GRM5: variants seen among roughly 807,000 people sequenced by gnomAD.
GRM5 encodes glutamate metabotropic receptor 5, also known as metabotropic glutamate receptor 5.
Under a neutral mutation model 83.1 loss-of-function variants are expected in GRM5, and 19 were observed. The observed-to-expected ratio is 0.23, with a 90% CI of 0.16 to 0.34. The LOEUF is 0.34. Ranked by LOEUF, GRM5 falls within the 10% of genes least tolerant of loss-of-function variation. The pLI is 1.00. For missense variants in GRM5, 1,160 were observed against 1,588.3 expected, an observed-to-expected ratio of 0.73 and a Z score of 4.58; for synonymous variants, 675 against 633.6, an observed-to-expected ratio of 1.07 and a Z score of -0.98.
At chr11:88,693,706 C>G (rs1022802983) in intron 3 of GRM5, among the ~76,000 whole-genome samples, 1 of 152,090 alleles carries the variant, frequency 6.6e-6, no homozygotes, top group Non-Finnish European at 1.5e-5. Context: ...TTTTCAGTCC[C>G]TAAGGAAATA....
At chr11:88,776,448 A>G (rs1303194287) in intron 3 of GRM5, among the ~76,000 whole-genome samples, 2 of 152,138 alleles carry the variant, frequency 1.3e-5, no homozygotes, top group Non-Finnish European at 2.9e-5. Flanking sequence ...TTTAAGGTTA[A>G]TATTGTTATA....
intron 6 of GRM5, among the ~76,000 whole-genome samples, chr11:88,594,571 C>A (rs528455481): frequency 6.6e-6 from 1 of 152,122 alleles, no homozygotes; most frequent in Non-Finnish European, 1.5e-5. Context: ...TGCTGTATAC[C>A]ATAATAAGAC....
chr11:88,588,277 G>A (rs1325948792), intron 7 of GRM5, among the ~76,000 whole-genome samples: 1 of 152,080 alleles, frequency 6.6e-6, no homozygotes, highest in African/African-American at 2.4e-5. Context: ...TAAGTTATTG[G>A]CTCTTTCCAA....
chr11:88,667,023 T>G (rs1235517482), intron 3 of GRM5, among the ~76,000 whole-genome samples: 1 of 152,158 alleles, frequency 6.6e-6, no homozygotes, highest in Non-Finnish European at 1.5e-5. Context: ...AATAATATAT[T>G]CAAGAGAATA....
At chr11:88,536,210 G>T (rs1942125984) in intron 8 of GRM5, among the ~76,000 whole-genome samples, 1 of 151,904 alleles carries the variant, frequency 6.6e-6, no homozygotes, top group African/African-American at 2.4e-5. Flanking sequence ...AATTGGCATG[G>T]GCTTATACAT....
At chr11:88,687,896 T>C (rs552032105) in intron 3 of GRM5, among the ~76,000 whole-genome samples, 1 of 152,068 alleles carries the variant, frequency 6.6e-6, no homozygotes, top group South Asian at 2.1e-4. Flanking sequence ...GAATCAAATT[T>C]AGAACTCTGT....
chr11:88,918,215 CCAAA>C (rs1241561672), intron 2 of GRM5, among the ~76,000 whole-genome samples: 2 of 150,608 alleles, frequency 1.3e-5, no homozygotes, highest in Middle Eastern at 3.4e-3. Flanking sequence ...CAAAAACAAA[CCAAA>C]CAAACAAACA....
At position 88,941,475 on chromosome 11, in the gene GRM5, GGGAGGGGAGAGGAGGGGAGA is replaced by G. The variant is rs770257751; in HGVS notation, c.662-91340_662-91321del. Among the ~76,000 whole-genome samples, 235 of 93,738 alleles carry G rather than the reference GGGAGGGGAGAGGAGGGGAGA, an allele frequency of 2.5e-3. 5 individuals are homozygous for G. Among genetic ancestry groups the G allele is most frequent in the African/African-American group, 0.011 (194 of 18,154 alleles). The allele number at this position is 93,738 out of a possible 152,430, so 61.5% of individuals were successfully genotyped here. A position where few individuals can be genotyped will look rare whatever the true frequency, so the allele number is the denominator to read the frequency against. On this transcript the variant is annotated intron_variant, in intron 2 of 9. Transcript: ENST00000305447. Reference sequence around the variant, plus strand: ...GGGAGAAGAGAAGAGAAGAGAAGAGGGGAGGGGAGAGGAGGGGAGAGGAGGGGAGAGGAGGGGAGAGGAGA... The same window carrying G: ...GGGAGAAGAGAAGAGAAGAGAAGAGGGGAGGGGAGAGGAGGGGAGAGGAGA...
chr11:88,903,158 G>A (rs954519523), intron 2 of GRM5, among the ~76,000 whole-genome samples: 2 of 152,140 alleles, frequency 1.3e-5, no homozygotes, highest in Admixed American at 1.3e-4. Context: ...CGAAGCAAAT[G>A]CGAAGGCCCT....
chr11:88,677,486 T>C lies in GRM5; in HGVS notation c.912-24083A>G, dbSNP rs1341583345. Reference sequence around the variant, plus strand: ...TCTCACTGGACAATAGCATATGAGGTTGTAAGGCTGGTGATTGCTACAGTG... The same window carrying C: ...TCTCACTGGACAATAGCATATGAGGCTGTAAGGCTGGTGATTGCTACAGTG... On this transcript the variant is annotated intron_variant, in intron 3 of 9. Coordinates refer to ENST00000305447, the MANE Select transcript of GRM5 (RefSeq NM_001143831.3). 5.9e-5 allele frequency among the ~76,000 whole-genome samples: 9 copies of C among 152,140 alleles called. 1 individual carries two copies. Among genetic ancestry groups the C allele is most frequent in the South Asian group, 4.1e-4 (2 of 4,834 alleles).
intron 3 of GRM5, among the ~76,000 whole-genome samples, chr11:88,823,890 A>G (rs11499569): frequency 0.026 from 3,883 of 152,146 alleles, 174 homozygotes; most frequent in African/African-American, 0.089. Flanking sequence ...CTAACTAGAT[A>G]GGATTCTGGG....
At chr11:88,952,608 G>A (rs555968853) in intron 2 of GRM5, among the ~76,000 whole-genome samples, 168 of 134,814 alleles carry the variant, frequency 1.2e-3, no homozygotes, top group African/African-American at 4.5e-3. Flanking sequence ...AAGTTAAAAA[G>A]GTGAATGCAG....
intron 4 of GRM5, among the ~76,000 whole-genome samples, chr11:88,623,466 G>A (rs1440947374): frequency 6.6e-6 from 1 of 152,082 alleles, no homozygotes; most frequent in Non-Finnish European, 1.5e-5. Flanking sequence ...ATCAAATTAA[G>A]CTATAGAAAT....
chr11:88,723,009 GC>G (rs1941583875), intron 3 of GRM5, among the ~76,000 whole-genome samples: 2 of 151,916 alleles, frequency 1.3e-5, no homozygotes, highest in African/African-American at 4.8e-5. Context: ...CCTGTGCCCT[GC>G]CCATTCATCC....
At chr11:88,611,365 G>A (rs1938311120) in intron 4 of GRM5, among the ~76,000 whole-genome samples, 1 of 152,084 alleles carries the variant, frequency 6.6e-6, no homozygotes, top group Non-Finnish European at 1.5e-5. Flanking sequence ...TTGGCTGGTA[G>A]GCTTTTTATT....
chr11:88,725,156 A>ACCAGCTTGTCC lies in GRM5; in HGVS notation c.912-71754_912-71753insGGACAAGCTGG, dbSNP rs1284538576. Among the ~76,000 whole-genome samples, 9 of 152,314 alleles carry ACCAGCTTGTCC rather than the reference A, an allele frequency of 5.9e-5. No individual in the cohort carries two copies. In the South Asian group the frequency reaches 1.9e-3, roughly 32 times the overall value. On this transcript the variant is annotated intron_variant, in intron 3 of 9. Coordinates refer to ENST00000305447, the MANE Select transcript of GRM5 (RefSeq NM_001143831.3). The stretch of plus-strand genomic sequence containing the variant: ...CTGGTTTAAAATTCTTGCCACCAGC[A>ACCAGCTTGTCC]CAGCAGTCTGAAGTTGACCTGGGAC...
At chr11:88,786,552 A>G (rs79615254) in intron 3 of GRM5, among the ~76,000 whole-genome samples, 4,104 of 152,216 alleles carry the variant, frequency 0.027, 179 homozygotes, top group African/African-American at 0.094. Flanking sequence ...AATGTGTGGA[A>G]CATGTTCTAC....
rs751947340 is a variant in GRM5, at chr11:88,522,536, C to CCTTTT, written c.2726+2772_2726+2773insAAAAG. 4.1e-3 allele frequency among the ~76,000 whole-genome samples: 621 copies of CCTTTT among 149,796 alleles called. 1 individual carries two copies. Among genetic ancestry groups the CCTTTT allele is most frequent in the Non-Finnish European group, 6.5e-3 (438 of 67,578 alleles). On this transcript the variant is annotated intron_variant, in intron 9 of 9. Transcript: ENST00000305447. ...ATATGTCTCTAGGCCTTTTCTACTC[C>CCTTTT]CTAAGGGAAAGCTTAAGCATGGCAG...
intron 2 of GRM5, among the ~76,000 whole-genome samples, chr11:88,962,891 C>A (rs1747376429): frequency 6.6e-6 from 1 of 152,166 alleles, no homozygotes; most frequent in East Asian, 1.9e-4. Flanking sequence ...GAGATAGACA[C>A]CATCCTGGCC....
Sources: gnomAD v4.1 joint callset for allele counts (sites outside exome capture counted in the v4.1 genomes callset) on GRCh38, gnomAD v4.1.1 for gene constraint, MANE v1.5 for transcripts, NCBI Gene and HGNC (gene_info 2026-07-23, HGNC 2026-07-21) for gene names.